The following PNPLA7 variants were observed in gnomAD, a reference collection of about 807,000 sequenced individuals.
The protein encoded by PNPLA7 is patatin-like phospholipase domain-containing protein 7.
A neutral mutation model predicts 161.7 loss-of-function variants in PNPLA7; 153 were observed. That is an observed-to-expected ratio of 0.95 (90% CI 0.83 to 1.08). PNPLA7 has a LOEUF of 1.08. PNPLA7 is among the 50% of genes least tolerant of loss of function. The pLI is 0.00. For missense variants in PNPLA7, 1,739 were observed against 1,856.6 expected (o/e 0.94, Z 1.16); for synonymous variants, 809 against 782.1 (o/e 1.03, Z -0.57).
chr9:137,461,792 G>T, intron 32 of PNPLA7, 139 bp downstream of exon 32: 1 of 1,193,182 alleles, frequency 8.4e-7, no homozygotes, highest in Non-Finnish European at 1.2e-6. Context: ...TCCTTGTCCT[G>T]GCCCTGGAGT....
intron 25 of PNPLA7, among the ~76,000 whole-genome samples, chr9:137,473,310 C>A (rs1352412996): frequency 2.8e-4 from 42 of 152,254 alleles, no homozygotes; most frequent in African/African-American, 1.0e-3. Context: ...CACCTCACAC[C>A]AGTCATGAAA....
intron 29 of PNPLA7, 124 bp from the exon 30 acceptor site, chr9:137,462,957 T>G: frequency 7.5e-7 from 1 of 1,332,382 alleles, no homozygotes; most frequent in Non-Finnish European, 1.0e-6. Flanking sequence ...CATTACACCT[T>G]CTAGAGGCAG....
intron 4 of PNPLA7, among the ~76,000 whole-genome samples, chr9:137,546,260 A>C (rs1037513904): frequency 6.6e-6 from 1 of 152,072 alleles, no homozygotes; most frequent in Non-Finnish European, 1.5e-5. Context: ...AGACACGTGA[A>C]CCACGGGACC....
chr9:137,535,028 T>A (rs746050079), intron 8 of PNPLA7, among the ~76,000 whole-genome samples: 1 of 152,226 alleles, frequency 6.6e-6, no homozygotes, highest in East Asian at 1.9e-4. Flanking sequence ...GATGGCCACA[T>A]TGAGTAGCTG....
rs945192457 is a variant in PNPLA7 at position 137,544,795 on chromosome 9, G to A, written c.274-980C>T. 4.2e-4 allele frequency among the ~76,000 whole-genome samples: 64 copies of A among 151,712 alleles called. No homozygotes were observed. The East Asian group carries it at 5.4e-3, about 13-fold the overall frequency. ...CTCCCGAGTAGTTGGGATTACAGGC[G>A]CCCGCCACAAAGCCCAGCTAATTTT... On this transcript the variant is annotated intron_variant, in intron 4 of 34. Transcript: ENST00000406427.
rs1286150708 is a variant in PNPLA7, at chr9:137,476,703, C to T, written c.2882+1331G>A. 6.6e-6 allele frequency among the ~76,000 whole-genome samples: 1 copy of T among 152,198 alleles called. No individual in the cohort carries two copies. Among genetic ancestry groups the T allele is most frequent in the African/African-American group, 2.4e-5 (1 of 41,448 alleles). On this transcript the variant is annotated intron_variant, in intron 25 of 34. Coordinates refer to ENST00000406427, the MANE Select transcript of PNPLA7 (RefSeq NM_001098537.3). The surrounding 1 kb of genome is among the most constrained non-coding windows in gnomAD (Gnocchi z 4.5). ...GTATTACCTTGATCAAAGCTACTTT[C>T]TCATTAAAAATGCTGCTGATGTGGC...
chr9:137,516,871 G>A (rs1834603371), intron 11 of PNPLA7, among the ~76,000 whole-genome samples: 1 of 151,330 alleles, frequency 6.6e-6, no homozygotes, highest in African/African-American at 2.4e-5. Flanking sequence ...TGCATTTCTG[G>A]GAAAAAGCAC....
chr9:137,530,545 G>A (rs756240308), intron 8 of PNPLA7, among the ~76,000 whole-genome samples: 4 of 152,194 alleles, frequency 2.6e-5, no homozygotes, highest in African/African-American at 7.2e-5. Flanking sequence ...CGTGGGTGGC[G>A]GCTCCACGAT....
chr9:137,486,313 G>C lies in PNPLA7; in HGVS notation c.2198-1577C>G, dbSNP rs539766927. Reference sequence around the variant, plus strand: ...ACCTGCAAGATCCTGGGATGCACACGGCGCCGTGGCAGCACTGCGGGTAAG... The same window carrying C: ...ACCTGCAAGATCCTGGGATGCACACCGCGCCGTGGCAGCACTGCGGGTAAG... On this transcript the variant is annotated intron_variant, in intron 20 of 34. Coordinates refer to ENST00000406427, the MANE Select transcript of PNPLA7 (RefSeq NM_001098537.3). The surrounding 1 kb of genome is among the most constrained non-coding windows in gnomAD (Gnocchi z 6.0). Among the ~76,000 whole-genome samples the C allele has an allele frequency of 3.3e-4, 51 of 152,292 alleles. No individual in the cohort carries two copies. The highest frequency in any genetic ancestry group is 1.2e-3 in the African/African-American group (51 of 41,548).
rs144736144 is a variant in PNPLA7, at chr9:137,464,433, G to A, written c.3063C>T (p.Ala1021=). Residue 1021 remains alanine, a synonymous_variant, in exon 27 of 35, where the codon GCC becomes GCT. Transcript: ENST00000406427. ...WAEGMTSLMK[A]ALDLTYPITS... The stretch of plus-strand genomic sequence containing the variant: ...TGATGGGGTAGGTGAGGTCCAGCGC[G>A]GCCTTCATCAAGGACGTCATGCCCT... The A allele has an allele frequency of 1.5e-4, 250 of 1,613,948 alleles. 1 individual carries two copies. In the African/African-American group the frequency reaches 2.2e-3, roughly 14 times the overall value.
At chr9:137,461,369 G>T in intron 33 of PNPLA7, 167 bp downstream of exon 33, 1 of 698,532 alleles carries the variant, frequency 1.4e-6, no homozygotes, top group Non-Finnish European at 2.3e-6. Flanking sequence ...GGGAACACGT[G>T]GTGCCCGGGA....
At chr9:137,510,947 A>C (rs553563688) in intron 12 of PNPLA7, among the ~76,000 whole-genome samples, 1 of 152,380 alleles carries the variant, frequency 6.6e-6, no homozygotes, top group East Asian at 1.9e-4. Context: ...GGATATTATC[A>C]ATCATTAGTT....
intron 11 of PNPLA7, chr9:137,516,553 A>G (rs1298984468): frequency 2.0e-6 from 2 of 984,418 alleles, no homozygotes; most frequent in Non-Finnish European, 2.4e-6. Context: ...TCACACCTGT[A>G]ATCCAAACAA....
At chr9:137,505,842 C>A in intron 13 of PNPLA7, 82 bp from the exon 14 acceptor site, 1 of 1,575,152 alleles carries the variant, frequency 6.3e-7, no homozygotes, top group Non-Finnish European at 8.7e-7. Flanking sequence ...GTCTGAATCG[C>A]ACAGTGCGGA....
rs1205621239 is a variant in PNPLA7 at position 137,520,621 on chromosome 9, A to T, written c.958-578T>A. Reference sequence around the variant, plus strand: ...CCCATGACTAAAGAGAGCCCTCCGCATATCAGGCTACTGTTTTGGGCAGTG... The same window carrying T: ...CCCATGACTAAAGAGAGCCCTCCGCTTATCAGGCTACTGTTTTGGGCAGTG... On this transcript the variant is annotated intron_variant, in intron 10 of 34. Transcript: ENST00000406427. The surrounding 1 kb of genome is among the most constrained non-coding windows in gnomAD (Gnocchi z 5.2). Among the ~76,000 whole-genome samples the T allele has an allele frequency of 6.6e-6, 1 of 152,196 alleles. No individual in the cohort carries two copies. Among genetic ancestry groups the T allele is most frequent in the African/African-American group, 2.4e-5 (1 of 41,444 alleles).
Position 137,547,006 on chromosome 9 carries a change from G to T in PNPLA7, c.194-97C>A. The stretch of plus-strand genomic sequence containing the variant: ...CACAGTCAGTCATACTCTCGTCCCT[G>T]CCAGTAACTGGCCATACTCAGACAG... On this transcript the variant is annotated intron_variant, in intron 3 of 34. Transcript: ENST00000406427. This position sits in a 1 kb window ranked among gnomAD's most constrained non-coding sequence, Gnocchi z 4.6. 8.5e-7 allele frequency: 1 copy of T among 1,174,754 alleles called. No homozygotes were observed. The highest frequency in any genetic ancestry group is 1.2e-6 in the Non-Finnish European group (1 of 800,216). The allele number at this position is 1,174,754 out of a possible 1,614,324, so 72.8% of individuals were successfully genotyped here. A position where few individuals can be genotyped will look rare whatever the true frequency, so the allele number is the denominator to read the frequency against.
At chr9:137,480,812 A>G (rs1403115861) in intron 22 of PNPLA7, 148 bp downstream of exon 22, 2 of 929,818 alleles carry the variant, frequency 2.2e-6, no homozygotes, top group Non-Finnish European at 3.3e-6. Flanking sequence ...TGTCCAGTGA[A>G]GGGAGTCACG....
At chr9:137,478,940 A>C in intron 24 of PNPLA7, 116 bp downstream of exon 24, 12 of 1,285,266 alleles carry the variant, frequency 9.3e-6, no homozygotes, top group South Asian at 1.6e-5. Flanking sequence ...CAAGCACAGG[A>C]AGGGCCCAGG....
rs1836178194 is a variant in PNPLA7, at chr9:137,541,102, T to TA, written c.667-381dup. On this transcript the variant is annotated intron_variant, in intron 7 of 34. Transcript: ENST00000406427. This position sits in a 1 kb window ranked among gnomAD's most constrained non-coding sequence, Gnocchi z 4.4. ...AACTTTGATATAATTTTCCATTAGG[T>TA]AAAAAAAGAAAAGAAACCGCGCTAT... Among the ~76,000 whole-genome samples the TA allele has an allele frequency of 6.6e-6, 1 of 151,996 alleles. No individual in the cohort carries two copies. The highest frequency in any genetic ancestry group is 2.1e-4 in the South Asian group (1 of 4,818).
Sources: gnomAD v4.1 joint callset for allele counts (sites outside exome capture counted in the v4.1 genomes callset) on GRCh38, gnomAD v4.1.1 for gene constraint, Gnocchi (gnomAD v3.1) non-coding constraint, MANE v1.5 for transcripts, NCBI Gene and HGNC (gene_info 2026-07-23, HGNC 2026-07-21) for gene names.